The following SUGCT variants were observed in gnomAD, a reference collection of about 807,000 sequenced individuals.
The protein encoded by SUGCT is succinyl-CoA:glutarate-CoA transferase, also known as succinyl-CoA:glutarate CoA-transferase.
In SUGCT, 41 loss-of-function variants were observed where a neutral mutation model predicts 55.0. The observed-to-expected ratio is 0.74, with a 90% CI of 0.58 to 0.97. SUGCT has a LOEUF of 0.97. Among genes scored for constraint, SUGCT ranks in the 50% least tolerant of loss-of-function variants. The pLI, the probability that SUGCT is intolerant of heterozygous loss-of-function variation, is 0.00. For synonymous variants in SUGCT, 187 were observed against 200.4 expected (o/e 0.93, Z 0.56); for missense variants, 568 against 547.8 (o/e 1.04, Z -0.37).
the SUGCT span, among the ~76,000 whole-genome samples, chr7:40,943,116 G>C: frequency 6.6e-6 from 1 of 151,702 alleles, no homozygotes; most frequent in African/African-American, 2.4e-5. Flanking sequence ...TGATCTTTTA[G>C]GGGTGTTACA....
intron 1 of SUGCT, among the ~76,000 whole-genome samples, chr7:40,137,006 C>A (rs1787732669): frequency 1.3e-5 from 2 of 151,756 alleles, no homozygotes; most frequent in African/African-American, 2.4e-5. Flanking sequence ...CCCCCCCACC[C>A]CACTGGAAAA....
At chr7:40,398,518 T>C (rs1785874869) in intron 9 of SUGCT, among the ~76,000 whole-genome samples, 1 of 30,622 alleles carries the variant, frequency 3.3e-5, no homozygotes, top group South Asian at 1.6e-3. Context: ...TTACTGGCTT[T>C]TTTTTTTTTT....
chr7:40,562,265 C>T (rs1418614559), intron 12 of SUGCT, among the ~76,000 whole-genome samples: 1 of 149,762 alleles, frequency 6.7e-6, no homozygotes, highest in African/African-American at 2.5e-5. Context: ...CGTGACTGCA[C>T]TCCAGCCTGG....
rs58887234 is a variant in SUGCT, at chr7:40,703,061, C to CT, written c.1090-46353dup. ...TGTGTCTGTGTGTGTTTCAGCCTAG[C>CT]TTTTTTTTTTTTTTTTTTTTGAGAC... On this transcript the variant is annotated intron_variant, in intron 12 of 13. Transcript: ENST00000335693. 7.3e-3 allele frequency among the ~76,000 whole-genome samples: 844 copies of CT among 115,744 alleles called. 7 individuals carry two copies. Among genetic ancestry groups the CT allele is most frequent in the East Asian group, 0.013 (55 of 4,092 alleles). The allele number at this position is 115,744 out of a possible 152,430, so 75.9% of individuals were successfully genotyped here.
intron 12 of SUGCT, among the ~76,000 whole-genome samples, chr7:40,671,276 C>A (rs1801925309): frequency 6.6e-6 from 1 of 152,032 alleles, no homozygotes; most frequent in African/African-American, 2.4e-5. Context: ...GAAGAAAAAG[C>A]ATTTGACAAA....
At chr7:40,279,215 TAAAG>T (rs907127971) in intron 8 of SUGCT, among the ~76,000 whole-genome samples, 1 of 152,112 alleles carries the variant, frequency 6.6e-6, no homozygotes, top group African/African-American at 2.4e-5. Context: ...CCATGAGAGA[TAAAG>T]GAAGTTCCCT....
the SUGCT span, among the ~76,000 whole-genome samples, chr7:40,899,173 G>T: frequency 6.6e-6 from 1 of 152,162 alleles, no homozygotes; most frequent in African/African-American, 2.4e-5. Flanking sequence ...CTTAACTTGT[G>T]CTGTGCACAG....
At chr7:41,001,869 A>G in the SUGCT span, among the ~76,000 whole-genome samples, 1 of 152,222 alleles carries the variant, frequency 6.6e-6, no homozygotes, top group South Asian at 2.1e-4. Context: ...AGAATCATTT[A>G]AAGTTGCATG....
chr7:40,983,964 G>A, the SUGCT span, among the ~76,000 whole-genome samples: 35 of 152,202 alleles, frequency 2.3e-4, no homozygotes, highest in African/African-American at 8.4e-4. Flanking sequence ...GGGTTGAATC[G>A]CCTGTAGGAA....
At position 40,249,313 on chromosome 7, in the gene SUGCT, C is replaced by CTATATATATATATATATA. The variant is rs57348487; in HGVS notation, c.576+11604_576+11621dup. Among the ~76,000 whole-genome samples the CTATATATATATATATATA allele has an allele frequency of 5.6e-3, 442 of 79,288 alleles. 6 individuals carry two copies. Among genetic ancestry groups the CTATATATATATATATATA allele is most frequent in the Middle Eastern group, 0.014 (2 of 146 alleles). 52.0% of individuals were successfully genotyped at this position (79,288 alleles called of 152,430 possible). A position where few individuals can be genotyped will look rare whatever the true frequency, so the allele number is the denominator to read the frequency against. On this transcript the variant is annotated intron_variant, in intron 7 of 13. Coordinates refer to ENST00000335693, the MANE Select transcript of SUGCT (RefSeq NM_001193313.2). ...TCTTAAAACAAAAAACACCAAAAAG[C>CTATATATATATATATATA]TATATATATATATATATATATATAT...
At chr7:40,242,423 C>T (rs1016072826) in intron 7 of SUGCT, among the ~76,000 whole-genome samples, 3 of 152,056 alleles carry the variant, frequency 2.0e-5, no homozygotes, top group South Asian at 4.1e-4. Flanking sequence ...TCGCCCACTT[C>T]GGCCTCCCAA....
chr7:40,268,667 C>T (rs967046864), intron 7 of SUGCT, among the ~76,000 whole-genome samples: 2 of 149,806 alleles, frequency 1.3e-5, no homozygotes, highest in African/African-American at 4.9e-5. Flanking sequence ...TTTTTTTTTC[C>T]GAGTTGGAGT....
chr7:40,649,160 C>T (rs1008864354), intron 12 of SUGCT, among the ~76,000 whole-genome samples: 6 of 151,048 alleles, frequency 4.0e-5, no homozygotes, highest in African/African-American at 9.8e-5. Flanking sequence ...GAAATCTGTA[C>T]GTTTTACTAC....
chr7:40,530,275 G>T (rs889761515), intron 12 of SUGCT, among the ~76,000 whole-genome samples: 1 of 152,018 alleles, frequency 6.6e-6, no homozygotes, highest in African/African-American at 2.4e-5. Flanking sequence ...AATTTTTAGC[G>T]ACAGAAAATG....
intron 1 of SUGCT, chr7:40,152,353 G>C (rs1471955682): frequency 6.6e-6 from 1 of 152,298 alleles, no homozygotes; most frequent in Non-Finnish European, 1.5e-5. Context: ...GAACCAAGAT[G>C]GAGTTGGTTA....
At chr7:40,384,959 C>T (rs532160476) in intron 9 of SUGCT, among the ~76,000 whole-genome samples, 1 of 151,980 alleles carries the variant, frequency 6.6e-6, no homozygotes, top group African/African-American at 2.4e-5. Context: ...TCCTCAAGGG[C>T]CTTTTCTTGT....
chr7:40,505,736 G>A (rs1792554924), intron 12 of SUGCT, among the ~76,000 whole-genome samples: 1 of 151,864 alleles, frequency 6.6e-6, no homozygotes, highest in South Asian at 2.1e-4. Context: ...TTAATATTAT[G>A]TCATATAATG....
At chr7:40,875,415 C>G in the SUGCT span, among the ~76,000 whole-genome samples, 1 of 152,172 alleles carries the variant, frequency 6.6e-6, no homozygotes, top group African/African-American at 2.4e-5. Flanking sequence ...TGAAACAGCA[C>G]CCAGTTGTTC....
chr7:40,353,085 G>A (rs1166003008), intron 9 of SUGCT, among the ~76,000 whole-genome samples: 2 of 152,108 alleles, frequency 1.3e-5, no homozygotes, highest in Non-Finnish European at 2.9e-5. Flanking sequence ...TTTGAAAAGT[G>A]TCTGTGTCCT....
Sources: allele counts gnomAD v4.1 joint callset (sites outside exome capture counted in the v4.1 genomes callset), GRCh38; gene constraint gnomAD v4.1.1; transcripts MANE v1.5; gene names NCBI Gene and HGNC (gene_info 2026-07-23, HGNC 2026-07-21).